The following CHCHD3 variants were observed in gnomAD, a reference collection of about 807,000 sequenced individuals.
CHCHD3 encodes coiled-coil-helix-coiled-coil-helix domain containing 3.
In CHCHD3, 20 loss-of-function variants were observed where a neutral mutation model predicts 38.2. The observed-to-expected ratio is 0.52, with a 90% CI of 0.37 to 0.76. The LOEUF (loss-of-function observed/expected upper bound fraction) is 0.76. CHCHD3 is among the 30% of genes least tolerant of loss of function. The pLI, the probability that CHCHD3 is intolerant of heterozygous loss-of-function variation, is 0.00. For synonymous variants in CHCHD3, 82 were observed against 100.0 expected, an observed-to-expected ratio of 0.82 and a Z score of 1.07; for missense variants, 245 against 279.2, an observed-to-expected ratio of 0.88 and a Z score of 0.87.
At chr7:132,926,017 A>C (rs1810369307) in intron 4 of CHCHD3, among the ~76,000 whole-genome samples, 1 of 152,210 alleles carries the variant, frequency 6.6e-6, no homozygotes, top group Non-Finnish European at 1.5e-5. Context: ...AAAGCAAGCA[A>C]GGCAGACTAT....
intron 3 of CHCHD3, among the ~76,000 whole-genome samples, 163 bp from the exon 4 acceptor site, chr7:132,975,449 T>C (rs1585691026): frequency 6.6e-6 from 1 of 152,118 alleles, no homozygotes. Flanking sequence ...TAGAGGTAAA[T>C]CCCCATGCAG....
intron 5 of CHCHD3, among the ~76,000 whole-genome samples, chr7:132,878,388 A>G (rs2117162451): frequency 6.6e-6 from 1 of 152,340 alleles, no homozygotes; most frequent in South Asian, 2.1e-4. Context: ...AATTAATCAT[A>G]CAGATGAGCC....
intron 2 of CHCHD3, among the ~76,000 whole-genome samples, chr7:133,037,604 G>A (rs953100908): frequency 6.6e-6 from 1 of 152,118 alleles, no homozygotes; most frequent in Non-Finnish European, 1.5e-5. Flanking sequence ...CCTGAGGTCA[G>A]GAGTTCGAGA....
At chr7:133,059,481 C>G (rs1018428922) in intron 2 of CHCHD3, among the ~76,000 whole-genome samples, 1 of 152,154 alleles carries the variant, frequency 6.6e-6, no homozygotes, top group Non-Finnish European at 1.5e-5. Flanking sequence ...AATCCCAACT[C>G]ACTACAGCAC....
At position 132,827,837 on chromosome 7, in the gene CHCHD3, T is replaced by TATCGATG. The variant is rs1807544929; in HGVS notation, c.524+10561_524+10562insCATCGAT. Among the ~76,000 whole-genome samples the TATCGATG allele has an allele frequency of 2.6e-5, 4 of 152,326 alleles. No homozygotes were observed. In the South Asian group the frequency reaches 8.3e-4, roughly 32 times the overall value. On this transcript the variant is annotated intron_variant, in intron 6 of 7. Transcript: ENST00000262570. The stretch of plus-strand genomic sequence containing the variant: ...TGATGTTTGAGATCCATCCGTGCTG[T>TATCGATG]TACATGTATCGATAGTTTGCTCTTC...
chr7:132,944,094 A>G (rs953687545), intron 4 of CHCHD3, among the ~76,000 whole-genome samples: 24 of 152,176 alleles, frequency 1.6e-4, no homozygotes, highest in African/African-American at 3.6e-4. Context: ...ATTTGCTTTT[A>G]GAAATTTATC....
chr7:132,919,661 C>G (rs896331464), intron 4 of CHCHD3, among the ~76,000 whole-genome samples: 34 of 152,168 alleles, frequency 2.2e-4, no homozygotes, highest in African/African-American at 8.2e-4. Flanking sequence ...TCACACGCCT[C>G]TATAAACAAC....
intron 6 of CHCHD3, among the ~76,000 whole-genome samples, chr7:132,818,323 T>C (rs1347826590): frequency 2.0e-5 from 3 of 152,232 alleles, no homozygotes; most frequent in African/African-American, 7.2e-5. Flanking sequence ...GGGCTGCCAC[T>C]AATGCAAGCA....
intron 4 of CHCHD3, among the ~76,000 whole-genome samples, chr7:132,962,198 A>T (rs77886666): frequency 0.066 from 9,998 of 152,280 alleles, 830 homozygotes; most frequent in African/African-American, 0.2. Flanking sequence ...CAACTTTAAC[A>T]GTTTTTCTTT....
chr7:132,868,698 G>T (rs1432997655), intron 5 of CHCHD3, among the ~76,000 whole-genome samples: 1 of 151,966 alleles, frequency 6.6e-6, no homozygotes, highest in Non-Finnish European at 1.5e-5. Flanking sequence ...ATGTCATTTT[G>T]CCAAAGCCAA....
chr7:132,864,959 A>G (rs1000558622), intron 5 of CHCHD3, among the ~76,000 whole-genome samples: 1 of 152,216 alleles, frequency 6.6e-6, no homozygotes, highest in Non-Finnish European at 1.5e-5. Flanking sequence ...CATTGCAAAG[A>G]TGAGCTCCAA....
At chr7:132,926,111 C>T (rs1810371861) in intron 4 of CHCHD3, among the ~76,000 whole-genome samples, 1 of 152,196 alleles carries the variant, frequency 6.6e-6, no homozygotes, top group Non-Finnish European at 1.5e-5. Flanking sequence ...GCATAGGAAT[C>T]AGATACACCA....
chr7:132,867,205 T>C (rs1479713240), intron 5 of CHCHD3, among the ~76,000 whole-genome samples: 1 of 152,182 alleles, frequency 6.6e-6, no homozygotes, highest in East Asian at 1.9e-4. Context: ...GCTTGCCACA[T>C]AGTAGGTTCT....
chr7:133,081,757 G>A (rs1584694297), intron 1 of CHCHD3, 100 bp downstream of exon 1: 1 of 1,203,726 alleles, frequency 8.3e-7, no homozygotes, highest in Non-Finnish European at 1.2e-6. Context: ...ATACGCTAGG[G>A]TCCAGGACGG....
chr7:132,900,623 T>C (rs531684298), intron 4 of CHCHD3, among the ~76,000 whole-genome samples: 45 of 152,338 alleles, frequency 3.0e-4, no homozygotes, highest in African/African-American at 1.0e-3. Context: ...AGAATAATTT[T>C]GAACAAAAGA....
At position 132,982,829 on chromosome 7, in the gene CHCHD3, C is replaced by A. The variant is rs767574450; in HGVS notation, c.252-7543G>T. Among the ~76,000 whole-genome samples the A allele has an allele frequency of 2.6e-5, 4 of 151,928 alleles. No homozygotes were observed. The East Asian group carries it at 5.8e-4, about 22-fold the overall frequency. ...TAACACACGTTTGGACTGTGTAGAA[C>A]CACATATGTGCATTTTTTTTTCAAT... On this transcript the variant is annotated intron_variant, in intron 3 of 7. Coordinates refer to ENST00000262570, the MANE Select transcript of CHCHD3 (RefSeq NM_017812.4).
intron 6 of CHCHD3, among the ~76,000 whole-genome samples, chr7:132,818,883 C>G (rs1021621785): frequency 2.6e-5 from 4 of 152,158 alleles, no homozygotes; most frequent in Non-Finnish European, 5.9e-5. Flanking sequence ...AAGAGAAAAG[C>G]CCAGCTTCTA....
At chr7:132,806,338 C>A (rs891017522) in intron 6 of CHCHD3, among the ~76,000 whole-genome samples, 1 of 152,136 alleles carries the variant, frequency 6.6e-6, no homozygotes, top group African/African-American at 2.4e-5. Context: ...ATGGAGGTGG[C>A]AGGATGAGGT....
intron 5 of CHCHD3, among the ~76,000 whole-genome samples, chr7:132,874,646 G>A (rs1298653670): frequency 1.3e-5 from 2 of 152,182 alleles, no homozygotes; most frequent in East Asian, 1.9e-4. Context: ...AGGCAAGTAT[G>A]TACAACTCTT....
Sources: allele counts gnomAD v4.1 joint callset (sites outside exome capture counted in the v4.1 genomes callset), GRCh38; gene constraint gnomAD v4.1.1; transcripts MANE v1.5; gene names NCBI Gene and HGNC (gene_info 2026-07-23, HGNC 2026-07-21).